Variants in SLC41A3 observed in about 807,000 individuals in gnomAD.
SLC41A3 encodes SLC41A1-like 2.
SLC41A3 carries 44 observed loss-of-function variants against 45.4 expected under a neutral mutation model. That is an observed-to-expected ratio of 0.97 (90% CI 0.76 to 1.25). SLC41A3 has a LOEUF of 1.25. SLC41A3 is among the 50% of genes most tolerant of loss of function. The pLI is 0.00. For synonymous variants in SLC41A3, 256 were observed against 252.4 expected (o/e 1.01, Z -0.13); for missense variants, 550 against 600.6 (o/e 0.92, Z 0.88).
chr3:126,018,252 C>T (rs1197379084), intron 6 of SLC41A3, among the ~76,000 whole-genome samples: 1 of 152,204 alleles, frequency 6.6e-6, no homozygotes, highest in Admixed American at 6.5e-5. Context: ...TGGAAATGAG[C>T]ACACGGTACA....
chr3:126,063,269 C>T (rs1414876078), intron 2 of SLC41A3, among the ~76,000 whole-genome samples: 1 of 152,136 alleles, frequency 6.6e-6, no homozygotes, highest in Non-Finnish European at 1.5e-5. Context: ...GTCCTCAGTC[C>T]TTTGCCAGAC....
intron 1 of SLC41A3, among the ~76,000 whole-genome samples, chr3:126,099,296 T>C (rs915699072): frequency 2.0e-5 from 3 of 152,290 alleles, no homozygotes; most frequent in Admixed American, 6.5e-5. Context: ...TGGTGAAGCA[T>C]GGATTATCTT....
intron 1 of SLC41A3, among the ~76,000 whole-genome samples, chr3:126,070,653 T>C (rs1253218662): frequency 6.6e-6 from 1 of 152,126 alleles, no homozygotes; most frequent in African/African-American, 2.4e-5. Context: ...AAATTATCTT[T>C]TCAAAGTAAA....
intron 10 of SLC41A3, among the ~76,000 whole-genome samples, chr3:126,008,008 A>T (rs1318604136): frequency 1.3e-5 from 2 of 152,220 alleles, no homozygotes; most frequent in African/African-American, 4.8e-5. Context: ...ATCAATGTCT[A>T]CGCATGCCTT....
intron 1 of SLC41A3, among the ~76,000 whole-genome samples, chr3:126,075,720 T>C (rs890421074): frequency 2.0e-5 from 3 of 152,158 alleles, no homozygotes; most frequent in African/African-American, 7.2e-5. Flanking sequence ...ATAAAAACCA[T>C]TGGATGGGGA....
intron 8 of SLC41A3, among the ~76,000 whole-genome samples, chr3:126,014,722 A>C (rs537632265): frequency 6.6e-6 from 1 of 152,374 alleles, no homozygotes; most frequent in East Asian, 1.9e-4. Context: ...GAGCCTCTGA[A>C]GGCTGTTTCT....
chr3:126,032,790 G>C (rs560114343), intron 4 of SLC41A3, among the ~76,000 whole-genome samples: 2 of 152,106 alleles, frequency 1.3e-5, no homozygotes, highest in African/African-American at 4.8e-5. Context: ...TGTGATGGAT[G>C]GGGGAGTCAG....
chr3:126,086,039 A>G (rs1450035813), upstream of SLC41A3, among the ~76,000 whole-genome samples: 3 of 152,174 alleles, frequency 2.0e-5, no homozygotes, highest in Non-Finnish European at 1.5e-5. Context: ...CCTGCCCACA[A>G]GCAGCACACA....
chr3:126,098,196 C>T (rs550622123), intron 1 of SLC41A3, among the ~76,000 whole-genome samples: 1 of 152,290 alleles, frequency 6.6e-6, no homozygotes, highest in East Asian at 1.9e-4. Flanking sequence ...GGAGATAGGG[C>T]TTATCAGGAG....
intron 3 of SLC41A3, among the ~76,000 whole-genome samples, chr3:126,041,192 G>C (rs1942567743): frequency 6.6e-6 from 1 of 151,860 alleles, no homozygotes; most frequent in Admixed American, 6.6e-5. Context: ...CAGAAATGTA[G>C]GGAGTATGAA....
intron 2 of SLC41A3, among the ~76,000 whole-genome samples, chr3:126,063,800 G>A (rs1944197309): frequency 6.6e-6 from 1 of 152,174 alleles, no homozygotes; most frequent in Non-Finnish European, 1.5e-5. Flanking sequence ...AGCACCCAGT[G>A]GAGCCTCTAC....
At chr3:126,093,735 C>T in intron 1 of SLC41A3, among the ~76,000 whole-genome samples, 1 of 152,154 alleles carries the variant, frequency 6.6e-6, no homozygotes, top group East Asian at 1.9e-4. Context: ...CTGATTGTGC[C>T]ATATGTGGGA....
chr3:126,086,099 A>G (rs1479105666), upstream of SLC41A3, among the ~76,000 whole-genome samples: 1 of 152,170 alleles, frequency 6.6e-6, no homozygotes, highest in Non-Finnish European at 1.5e-5. Flanking sequence ...CCTACTTCTA[A>G]GAAAAAAAAA....
chr3:126,059,311 G>GAAAGAAAGAAAGAAAAGAAAGAAAGA (rs1576331873), intron 2 of SLC41A3, among the ~76,000 whole-genome samples: 14 of 81,060 alleles, frequency 1.7e-4, no homozygotes, highest in Admixed American at 3.7e-4. Context: ...AGAAAGAAAG[G>GAAAGAAAGAAAGAAAAGAAAGAAAGA]AAGGATGATC....
At chr3:126,058,667 C>T (rs1943824547) in intron 2 of SLC41A3, among the ~76,000 whole-genome samples, 1 of 152,250 alleles carries the variant, frequency 6.6e-6, no homozygotes, top group Admixed American at 6.5e-5. Context: ...GCACAACCCA[C>T]AGGTGCACTG....
intron 1 of SLC41A3, chr3:126,070,546 A>C (rs1275958767): frequency 6.6e-6 from 1 of 152,228 alleles, no homozygotes; most frequent in African/African-American, 2.4e-5. Flanking sequence ...TAAGATTAAC[A>C]GCTCATTTTT....
chr3:126,057,179 G>A (rs577251411), intron 2 of SLC41A3: 15 of 985,084 alleles, frequency 1.5e-5, no homozygotes, highest in East Asian at 2.3e-4. Context: ...AGGAAGCCAC[G>A]CCCTGGGTCA....
chr3:126,089,573 A>C (rs1004064361), intron 1 of SLC41A3, among the ~76,000 whole-genome samples: 2 of 152,204 alleles, frequency 1.3e-5, no homozygotes, highest in Non-Finnish European at 2.9e-5. Flanking sequence ...CTGAACCCAC[A>C]TACTATAGGG....
chr3:126,056,990 G>T, intron 2 of SLC41A3: 2 of 1,029,840 alleles, frequency 1.9e-6, no homozygotes, highest in Non-Finnish European at 2.3e-6. Context: ...GCCTGGCCTT[G>T]GTGAGTGCCC....
Sources: gnomAD v4.1 joint callset for allele counts (sites outside exome capture counted in the v4.1 genomes callset) on GRCh38, gnomAD v4.1.1 for gene constraint, MANE v1.5 for transcripts, NCBI Gene and HGNC (gene_info 2026-07-23, HGNC 2026-07-21) for gene names.